The following NLRC3 variants were observed in gnomAD, a reference collection of about 807,000 sequenced individuals.
NLRC3 encodes NLR family CARD domain-containing protein 3.
NLRC3 carries 87 observed loss-of-function variants against 91.6 expected under a neutral mutation model. The ratio of observed to expected loss-of-function variants is 0.95; its 90% CI spans 0.80 to 1.14. The LOEUF is 1.14. NLRC3 is among the 50% of genes most tolerant of loss of function. The probability of loss-of-function intolerance (pLI) is 0.00; values close to 1 mark genes in which losing one functional copy is unlikely to be tolerated. For missense variants in NLRC3, 1,577 were observed against 1,418.6 expected (o/e 1.11, Z -1.79); for synonymous variants, 694 against 625.3 (o/e 1.11, Z -1.64).
Position 3,577,251 on chromosome 16 carries a change from A to G in NLRC3, c.-271T>C. 1.4e-6 allele frequency: 1 copy of G among 701,392 alleles called. No individual in the cohort carries two copies. The highest frequency in any genetic ancestry group is 2.6e-6 in the Non-Finnish European group (1 of 384,150). 43.4% of individuals were successfully genotyped at this position (701,392 alleles called of 1,614,324 possible). ...AGCCCTGCTCCAGCTGCGTGGTGGT[A>G]GATGCCCTGGGAATCCCTGTGCCAG... On this transcript the variant is annotated 5_prime_UTR_variant, in exon 1 of 20. Transcript: ENST00000359128.
rs888218850 is a variant in NLRC3 at position 3,563,350 on chromosome 16, C to T, written c.1587G>A (p.Leu529=). Residue 529 remains leucine, a synonymous_variant, in exon 5 of 20, where the codon CTG becomes CTA. Coordinates refer to ENST00000359128, the MANE Select transcript of NLRC3 (RefSeq NM_178844.4). The part of the protein sequence containing the change: ...GLLSPRVNAL[L]AGSLLAQGEH... ...CGCCTTGGGCCAGCAGGGAGCCGGC[C>T]AGGAGGGCATTGACCCTCGGAGACA... 1 of 1,591,294 alleles carries T rather than the reference C, an allele frequency of 6.3e-7. No individual in the cohort carries two copies. The highest frequency in any genetic ancestry group is 8.5e-7 in the Non-Finnish European group (1 of 1,169,968).
rs747313937 is a variant in NLRC3, at chr16:3,541,799, C to T, written c.*26G>A. 2.0e-6 allele frequency: 3 copies of T among 1,499,066 alleles called. No individual in the cohort carries two copies. Among genetic ancestry groups the T allele is most frequent in the Non-Finnish European group, 2.8e-6 (3 of 1,078,962 alleles). 92.9% of individuals were successfully genotyped at this position (1,499,066 alleles called of 1,614,324 possible). A position where few individuals can be genotyped will look rare whatever the true frequency, so the allele number is the denominator to read the frequency against. On this transcript the variant is annotated 3_prime_UTR_variant, in exon 20 of 20. Coordinates refer to ENST00000359128, the MANE Select transcript of NLRC3 (RefSeq NM_178844.4). ...CAAAAGCTTCCAGCTGAGCATCTGC[C>T]CATTCTCCTGATCCGTCCACCAGGA...
chr16:3,560,355 G>T (rs1002112366), intron 6 of NLRC3, among the ~76,000 whole-genome samples: 1 of 152,000 alleles, frequency 6.6e-6, no homozygotes, highest in Non-Finnish European at 1.5e-5. Context: ...CCCGGGAGGC[G>T]GAGTCTGCAG....
chr16:3,567,869 T>C (rs1366392265), intron 1 of NLRC3, among the ~76,000 whole-genome samples: 4 of 151,168 alleles, frequency 2.6e-5, no homozygotes, highest in African/African-American at 7.3e-5. Flanking sequence ...GCTTTTTCTT[T>C]CTTTCTTTTT....
chr16:3,551,275 A>G (rs1002862659), intron 10 of NLRC3, among the ~76,000 whole-genome samples: 1 of 139,378 alleles, frequency 7.2e-6, no homozygotes, highest in African/African-American at 2.7e-5. Context: ...CATTCATTCT[A>G]CCATCCATCT....
chr16:3,557,751 G>A (rs767452108), intron 6 of NLRC3, 75 bp from the exon 7 acceptor site: 43 of 916,344 alleles, frequency 4.7e-5, no homozygotes, highest in Admixed American at 5.9e-5. Flanking sequence ...CGCTGTGCCC[G>A]TGATTAATCC....
chr16:3,559,481 A>G (rs368920114), intron 6 of NLRC3, among the ~76,000 whole-genome samples: 1 of 152,174 alleles, frequency 6.6e-6, no homozygotes, highest in East Asian at 1.9e-4. Flanking sequence ...GGAAGGAGCC[A>G]CTGTGCCTGG....
At chr16:3,543,664 C>G in intron 16 of NLRC3, 156 bp from the exon 17 acceptor site, 1 of 622,702 alleles carries the variant, frequency 1.6e-6, no homozygotes, top group South Asian at 1.8e-5. Flanking sequence ...CCATCTCCTA[C>G]CTACACTGTC....
Position 3,540,464 on chromosome 16 carries a change from C to G in NLRC3, c.*1361G>C, listed in dbSNP as rs535154595. On this transcript the variant is annotated 3_prime_UTR_variant, in exon 20 of 20. Transcript: ENST00000359128. ...ACATAGAGGCTCAGCTTGCCTGTCT[C>G]CATGGAAGCTGTGGCCACAGCAGTG... 1.2e-4 allele frequency: 18 copies of G among 152,272 alleles called. 1 individual carries two copies. Among genetic ancestry groups the G allele is most frequent in the African/African-American group, 4.3e-4 (18 of 41,536 alleles). The allele number at this position is 152,272 out of a possible 1,614,324, so 9.4% of individuals were successfully genotyped here. A position where few individuals can be genotyped will look rare whatever the true frequency, so the allele number is the denominator to read the frequency against.
At chr16:3,559,987 A>G (rs2039533911) in intron 6 of NLRC3, among the ~76,000 whole-genome samples, 1 of 152,090 alleles carries the variant, frequency 6.6e-6, no homozygotes, top group Admixed American at 6.6e-5. Flanking sequence ...AGGCACAGAA[A>G]TGACTTCTTC....
chr16:3,557,513 G>A, intron 7 of NLRC3, 80 bp downstream of exon 7: 1 of 807,432 alleles, frequency 1.2e-6, no homozygotes, highest in East Asian at 2.6e-5. Context: ...CATTTCCTAG[G>A]AGGGAGGGGA....
chr16:3,542,240 T>G lies in NLRC3; in HGVS notation c.3058A>C (p.Ile1020Leu), dbSNP rs747862549. Residue 1020 changes from isoleucine to leucine, a missense_variant, in exon 19 of 20, where the codon ATA becomes CTA. Coordinates refer to ENST00000359128, the MANE Select transcript of NLRC3 (RefSeq NM_178844.4). ...QENSLGMDGA[I>L]CIATALSGNH... is the part of the protein sequence containing the mutation. The stretch of plus-strand genomic sequence containing the variant: ...CCAGACAGTGCTGTGGCAATGCATA[T>G]CGCCCCGTCCATCCCCAGAGAATTC... The G allele has an allele frequency of 8.8e-6, 14 of 1,594,970 alleles. No individual in the cohort carries two copies. The highest frequency in any genetic ancestry group is 5.2e-5 in the Admixed American group (3 of 57,788).
At chr16:3,543,586 C>T (rs2038525862) in intron 16 of NLRC3, 78 bp from the exon 17 acceptor site, 1 of 955,600 alleles carries the variant, frequency 1.0e-6, no homozygotes, top group African/African-American at 1.6e-5. Context: ...TTTCACCACC[C>T]CTTGACTCAG....
At chr16:3,565,759 A>C (rs117845142) in intron 2 of NLRC3, among the ~76,000 whole-genome samples, 1 of 150,928 alleles carries the variant, frequency 6.6e-6, no homozygotes, top group Non-Finnish European at 1.5e-5. Context: ...GAGTGAGCCC[A>C]TGGCTGGGCA....
At chr16:3,569,313 CAA>C (rs772111559) in intron 1 of NLRC3, among the ~76,000 whole-genome samples, 6 of 64,964 alleles carry the variant, frequency 9.2e-5, no homozygotes, top group Non-Finnish European at 6.2e-5. Context: ...GACACCATCT[CAA>C]AAAAAAAAAA....
At chr16:3,569,659 A>G (rs1241750636) in intron 1 of NLRC3, among the ~76,000 whole-genome samples, 1 of 151,894 alleles carries the variant, frequency 6.6e-6, no homozygotes, top group East Asian at 1.9e-4. Flanking sequence ...TGGCCTCCCA[A>G]AGTGCTCGGA....
intron 1 of NLRC3, among the ~76,000 whole-genome samples, chr16:3,572,433 G>A (rs1439402640): frequency 1.3e-5 from 2 of 151,960 alleles, no homozygotes; most frequent in African/African-American, 2.4e-5. Flanking sequence ...GACTACAGGC[G>A]CATGCTACCA....
intron 1 of NLRC3, among the ~76,000 whole-genome samples, chr16:3,576,215 G>A (rs1425906587): frequency 6.6e-6 from 1 of 152,186 alleles, no homozygotes; most frequent in East Asian, 1.9e-4. Flanking sequence ...CTGGCCATAG[G>A]GGAAGACCCT....
Position 3,564,650 on chromosome 16 carries a change from A to C in NLRC3, c.287T>G (p.Leu96Arg), listed in dbSNP as rs2039791958. Residue 96 changes from leucine (L) to arginine (R), a missense_variant, in exon 5 of 20, where the codon CTG (leucine) becomes CGG (arginine). By Grantham distance (102) the Leu-to-Arg change is moderately radical. Transcript: ENST00000359128. The surrounding 1 kb of genome is among the most constrained non-coding windows in gnomAD (Gnocchi z 5.9). ...GTGTTCCCTCAGCTGCAGGTCCGTC[A>C]GGCCCTCCACCAGCAGGAGGGAGGC... ...RLASLLLVEG[L>R]TDLQLREHDF... 1 of 1,606,430 alleles carries C rather than the reference A, an allele frequency of 6.2e-7. No homozygotes were observed.
Sources: gnomAD v4.1 joint callset for allele counts (sites outside exome capture counted in the v4.1 genomes callset) on GRCh38, gnomAD v4.1.1 for gene constraint, Gnocchi (gnomAD v3.1) non-coding constraint, MANE v1.5 for transcripts, NCBI Gene and HGNC (gene_info 2026-07-23, HGNC 2026-07-21) for gene names.